TIGAR: variants seen among roughly 807,000 people sequenced by gnomAD.
TIGAR encodes TP53 induced glycolysis regulatory phosphatase.
A neutral mutation model predicts 17.9 loss-of-function variants in TIGAR; 7 were observed. The observed-to-expected ratio is 0.39, with a 90% CI of 0.22 to 0.73. The LOEUF is 0.73. TIGAR is among the 30% of genes least tolerant of loss of function. The pLI, the probability that TIGAR is intolerant of heterozygous loss-of-function variation, is 0.42. For synonymous variants in TIGAR, 94 were observed against 108.6 expected, an observed-to-expected ratio of 0.87 and a Z score of 0.84; for missense variants, 258 against 327.4, an observed-to-expected ratio of 0.79 and a Z score of 1.64.
intron 3 of TIGAR, among the ~76,000 whole-genome samples, chr12:4,346,713 C>G (rs188263250): frequency 9.9e-5 from 15 of 151,980 alleles, no homozygotes; most frequent in African/African-American, 3.4e-4. Flanking sequence ...ATGTAACAAA[C>G]CTGCACGTCG....
In TIGAR at chr12:4,358,461, TCAC is replaced by T. The variant is rs1383523965; in HGVS notation, c.*5774_*5776del. ...ATGGCTGTATACTCTTCACACTTAT[TCAC>T]CACTTGCTTACCTGTTGTCCCACTT... On this transcript the variant is annotated 3_prime_UTR_variant, in exon 6 of 6. Transcript: ENST00000179259. Among the ~76,000 whole-genome samples, 1 of 152,120 alleles carries T rather than the reference TCAC, an allele frequency of 6.6e-6. No individual in the cohort carries two copies. The highest frequency in any genetic ancestry group is 1.5e-5 in the Non-Finnish European group (1 of 68,026).
chr12:4,342,861 G>A (rs950288792), intron 3 of TIGAR, among the ~76,000 whole-genome samples: 5 of 152,200 alleles, frequency 3.3e-5, no homozygotes, highest in African/African-American at 7.2e-5. Context: ...ACATCATAAT[G>A]ACAGGATCAA....
In TIGAR at chr12:4,355,547, A is replaced by G. The variant is rs150540467; in HGVS notation, c.*2856A>G. Among the ~76,000 whole-genome samples the G allele has an allele frequency of 9.6e-4, 146 of 152,332 alleles. No homozygotes were observed. The highest frequency in any genetic ancestry group is 3.4e-3 in the African/African-American group (142 of 41,570). On this transcript the variant is annotated 3_prime_UTR_variant, in exon 6 of 6. Coordinates refer to ENST00000179259, the MANE Select transcript of TIGAR (RefSeq NM_020375.3). Reference sequence around the variant, plus strand: ...TCAATTTCCAGAAAAATTCTGTTACAAATTTTATTGGAGTCACATGCATCT... The same window carrying G: ...TCAATTTCCAGAAAAATTCTGTTACGAATTTTATTGGAGTCACATGCATCT...
Position 4,352,772 on chromosome 12 carries a change from A to G in TIGAR, c.*81A>G, listed in dbSNP as rs1864851558. 3 of 1,403,998 alleles carry G rather than the reference A, an allele frequency of 2.1e-6. No homozygotes were observed. In the African/African-American group the frequency reaches 4.4e-5, roughly 20 times the overall value. 87.0% of individuals were successfully genotyped at this position (1,403,998 alleles called of 1,614,324 possible). A position where few individuals can be genotyped will look rare whatever the true frequency, so the allele number is the denominator to read the frequency against. On this transcript the variant is annotated 3_prime_UTR_variant, in exon 6 of 6. Transcript: ENST00000179259. ...GCTTTATTTACTTCTCTCCTCTGCT[A>G]GTTCTGATTTGGAAACAGTTAAAAG...
chr12:4,326,386 C>T (rs538631480), intron 1 of TIGAR, among the ~76,000 whole-genome samples: 20 of 152,312 alleles, frequency 1.3e-4, no homozygotes, highest in Middle Eastern at 3.4e-3. Context: ...TAAACAGTTA[C>T]TTCAAGGATT....
At chr12:4,344,533 A>G (rs187048294) in intron 3 of TIGAR, among the ~76,000 whole-genome samples, 6 of 152,368 alleles carry the variant, frequency 3.9e-5, no homozygotes, top group Non-Finnish European at 5.9e-5. Flanking sequence ...CACCATGATC[A>G]AGTGGGCTTC....
chr12:4,351,009 A>G (rs1207777347), intron 4 of TIGAR, among the ~76,000 whole-genome samples: 4 of 152,146 alleles, frequency 2.6e-5, no homozygotes, highest in South Asian at 2.1e-4. Context: ...AATTCCCACC[A>G]TCTGCTTGCA....
At chr12:4,332,238 C>CTTTTCTT (rs1555092397) in intron 2 of TIGAR, among the ~76,000 whole-genome samples, 2 of 95,360 alleles carry the variant, frequency 2.1e-5, no homozygotes, top group African/African-American at 8.1e-5. Flanking sequence ...TCATGTATTT[C>CTTTTCTT]TTTTTTTTTT....
chr12:4,330,600 C>A (rs930819361), intron 1 of TIGAR, among the ~76,000 whole-genome samples: 1 of 152,222 alleles, frequency 6.6e-6, no homozygotes, highest in Non-Finnish European at 1.5e-5. Context: ...ACTTCCCGCC[C>A]TTTTCCCCCT....
chr12:4,336,273 C>T (rs1366164195), intron 2 of TIGAR, among the ~76,000 whole-genome samples: 1 of 152,212 alleles, frequency 6.6e-6, no homozygotes, highest in African/African-American at 2.4e-5. Flanking sequence ...GTTTAGTCCT[C>T]CCGCTTGCCG....
chr12:4,333,756 G>A (rs1027459219), intron 2 of TIGAR, among the ~76,000 whole-genome samples: 8 of 152,072 alleles, frequency 5.3e-5, no homozygotes, highest in Admixed American at 2.0e-4. Context: ...TAGCCACCGC[G>A]CCTGGCCTAA....
chr12:4,332,146 T>C (rs1186463604), intron 2 of TIGAR, among the ~76,000 whole-genome samples: 1 of 152,032 alleles, frequency 6.6e-6, no homozygotes, highest in Non-Finnish European at 1.5e-5. Context: ...GTCAAGAAAG[T>C]TTTTGTGTTC....
chr12:4,324,406 G>T, intron 1 of TIGAR: 1 of 1,315,474 alleles, frequency 7.6e-7, no homozygotes, highest in Non-Finnish European at 1.1e-6. Context: ...GGAGTGGGTG[G>T]CCCCGATGCC....
rs1864954544 is a variant in TIGAR at position 4,359,755 on chromosome 12, G to T, written c.*7064G>T. On this transcript the variant is annotated 3_prime_UTR_variant, in exon 6 of 6. Transcript: ENST00000179259. ...TTGCTGAGTTATAGGTTATATGTTG[G>T]TGTATGTTTAGTTTTATAAGACACT... Among the ~76,000 whole-genome samples the T allele has an allele frequency of 6.6e-6, 1 of 152,124 alleles. No individual in the cohort carries two copies. The highest frequency in any genetic ancestry group is 1.5e-5 in the Non-Finnish European group (1 of 68,022).
At chr12:4,330,549 A>G (rs553764753) in intron 1 of TIGAR, among the ~76,000 whole-genome samples, 1 of 152,302 alleles carries the variant, frequency 6.6e-6, no homozygotes, top group South Asian at 2.1e-4. Context: ...AAGTTGCATT[A>G]TTGTTAACCT....
At position 4,337,099 on chromosome 12, in the gene TIGAR, T is replaced by C; in HGVS notation, c.131T>C (p.Ile44Thr). 1.9e-6 allele frequency: 3 copies of C among 1,613,716 alleles called. No individual in the cohort carries two copies. Among genetic ancestry groups the C allele is most frequent in the Non-Finnish European group, 2.5e-6 (3 of 1,179,600 alleles). ...TGFKQAAAAG[I>T]FLNNVKFTHA... The stretch of plus-strand genomic sequence containing the variant: ...TTTAAACAAGCAGCAGCTGCTGGTA[T>C]ATTTCTGAATAATGTGAAGTTTACT... Residue 44 changes from isoleucine (I) to threonine (T), a missense_variant, in exon 3 of 6, where the codon ATA becomes ACA. Ile to Thr is a moderately conservative substitution (Grantham distance 89). Transcript: ENST00000179259.
At chr12:4,336,345 A>AT (rs1272143897) in intron 2 of TIGAR, among the ~76,000 whole-genome samples, 1 of 150,826 alleles carries the variant, frequency 6.6e-6, no homozygotes, top group Non-Finnish European at 1.5e-5. Context: ...CACCACCTTC[A>AT]TTTTTTTCAT....
In TIGAR at chr12:4,324,545, T is replaced by A. The variant is rs796092757; in HGVS notation, c.32+3242T>A. Reference sequence around the variant, plus strand: ...TAGACGCCCACCATGCTGCCCACCATCTTGGGCAGGATGATCATGTCCCGC... The same window carrying A: ...TAGACGCCCACCATGCTGCCCACCAACTTGGGCAGGATGATCATGTCCCGC... On this transcript the variant is annotated intron_variant, in intron 1 of 5. Transcript: ENST00000179259. 3.1e-6 allele frequency: 5 copies of A among 1,608,834 alleles called. No individual in the cohort carries two copies. The African/African-American group carries it at 6.7e-5, about 21-fold the overall frequency.
intron 1 of TIGAR, among the ~76,000 whole-genome samples, chr12:4,330,362 T>A (rs918223870): frequency 5.3e-5 from 8 of 152,200 alleles, no homozygotes; most frequent in Non-Finnish European, 8.8e-5. Context: ...TTGAGGGTGG[T>A]ACACCACACT....
Sources: gnomAD v4.1 joint callset for allele counts (sites outside exome capture counted in the v4.1 genomes callset) on GRCh38, gnomAD v4.1.1 for gene constraint, MANE v1.5 for transcripts, NCBI Gene and HGNC (gene_info 2026-07-23, HGNC 2026-07-21) for gene names.